Variants in INTS9 observed in about 807,000 individuals in gnomAD.
INTS9 encodes protein related to CPSF subunits of 74 kDa.
Under a neutral mutation model 79.7 loss-of-function variants are expected in INTS9, and 55 were observed. The ratio of observed to expected loss-of-function variants is 0.69; its 90% CI spans 0.56 to 0.86. The LOEUF (loss-of-function observed/expected upper bound fraction) is 0.86, where lower values mean the gene tolerates loss of function less well. INTS9 is among the 40% of genes least tolerant of loss of function. The pLI is 0.00. For missense variants in INTS9, 721 were observed against 831.5 expected (o/e 0.87, Z 1.64); for synonymous variants, 319 against 325.2 (o/e 0.98, Z 0.20).
chr8:28,874,996 G>A (rs1809300499), intron 1 of INTS9, among the ~76,000 whole-genome samples: 2 of 152,162 alleles, frequency 1.3e-5, no homozygotes, highest in South Asian at 4.1e-4. Context: ...ATGGATGTCA[G>A]CAGGCAAAGA....
chr8:28,862,107 G>A (rs183619845), intron 1 of INTS9: 879 of 985,434 alleles, frequency 8.9e-4, no homozygotes, highest in Admixed American at 1.1e-3. Flanking sequence ...TACAGGAGGC[G>A]CTTGCAAAGG....
chr8:28,860,910 T>C (rs1309046067), intron 1 of INTS9, among the ~76,000 whole-genome samples: 1 of 152,264 alleles, frequency 6.6e-6, no homozygotes, highest in East Asian at 1.9e-4. Context: ...TCTATCTTTG[T>C]AGTGGATGAA....
At chr8:28,777,985 T>C (rs374309788) in intron 12 of INTS9, 32 bp from the exon 13 acceptor site, 31 of 1,585,778 alleles carry the variant, frequency 2.0e-5, no homozygotes, top group Non-Finnish European at 2.4e-5. Flanking sequence ...AATCTTACAA[T>C]GCAGACTACA....
Position 28,875,155 on chromosome 8 carries a change from G to A in INTS9, c.9+14719C>T, listed in dbSNP as rs140822207. ...CCCACAACACGTGGGGATTATGGGA[G>A]CTACAAGATGAGATTTGCGTGGAGA... On this transcript the variant is annotated intron_variant, in intron 1 of 16. Coordinates refer to ENST00000521022, the MANE Select transcript of INTS9 (RefSeq NM_018250.4). 8.9e-3 allele frequency among the ~76,000 whole-genome samples: 1,361 copies of A among 152,276 alleles called. 21 individuals are homozygous for A. Among genetic ancestry groups the A allele is most frequent in the African/African-American group, 0.031 (1,276 of 41,548 alleles).
At chr8:28,802,946 C>T (rs922302272) in intron 8 of INTS9, among the ~76,000 whole-genome samples, 2 of 65,290 alleles carry the variant, frequency 3.1e-5, no homozygotes, top group Non-Finnish European at 7.1e-5. Context: ...CCCGTTTCTA[C>T]AAAAAAAAAA....
At chr8:28,783,971 A>G (rs1271455471) in intron 11 of INTS9, 3 of 152,236 alleles carry the variant, frequency 2.0e-5, no homozygotes, top group African/African-American at 7.2e-5. Flanking sequence ...CTACTGATCA[A>G]TGCACAGAAA....
chr8:28,843,432 T>C (rs1807313397), intron 4 of INTS9, among the ~76,000 whole-genome samples: 1 of 152,234 alleles, frequency 6.6e-6, no homozygotes, highest in Admixed American at 6.5e-5. Flanking sequence ...ATGATTTTCT[T>C]AATGGCATCT....
chr8:28,831,682 A>C (rs1464612003), intron 6 of INTS9, among the ~76,000 whole-genome samples: 2 of 152,094 alleles, frequency 1.3e-5, no homozygotes, highest in African/African-American at 2.4e-5. Context: ...GACTTGACCC[A>C]AGATTTGGGA....
At chr8:28,781,456 A>C (rs1277976679) in intron 11 of INTS9, among the ~76,000 whole-genome samples, 1 of 152,254 alleles carries the variant, frequency 6.6e-6, no homozygotes, top group East Asian at 1.9e-4. Flanking sequence ...AAAAGGATAC[A>C]GCCACTTTGA....
intron 2 of INTS9, among the ~76,000 whole-genome samples, chr8:28,854,275 C>T (rs1485810921): frequency 2.0e-5 from 3 of 152,106 alleles, no homozygotes; most frequent in African/African-American, 7.2e-5. Context: ...AAGCTTAATA[C>T]TCAGTGCAAA....
rs1280428568 is a variant in INTS9 at position 28,814,095 on chromosome 8, T to C, written c.489-483A>G. Among the ~76,000 whole-genome samples the C allele has an allele frequency of 3.3e-5, 5 of 151,114 alleles. No individual in the cohort carries two copies. The South Asian group carries it at 6.3e-4, about 19-fold the overall frequency. Reference sequence around the variant, plus strand: ...TAAAAAAAAAAAAAAAATAGAGACATGGTCTTGCTATGTCGCCCAAAATGT... The same window carrying C: ...TAAAAAAAAAAAAAAAATAGAGACACGGTCTTGCTATGTCGCCCAAAATGT... On this transcript the variant is annotated intron_variant, in intron 6 of 16. Transcript: ENST00000521022.
rs1263685132 is a variant in INTS9 at position 28,768,330 on chromosome 8, A to G, written c.1801-8T>C. On this transcript the variant is annotated splice_region_variant and splice_polypyrimidine_tract_variant and intron_variant, in intron 16 of 16. Transcript: ENST00000521022. ...AATATCACTGAAGCCATGCTGCTCC[A>G]GAAGAAAAGAAAGAGGTGGGCTGGG... 3 of 1,612,184 alleles carry G rather than the reference A, an allele frequency of 1.9e-6. No homozygotes were observed. The highest frequency in any genetic ancestry group is 2.5e-6 in the Non-Finnish European group (3 of 1,179,978).
chr8:28,850,083 G>C, intron 3 of INTS9, 130 bp downstream of exon 3: 1 of 643,372 alleles, frequency 1.6e-6, no homozygotes, highest in Non-Finnish European at 2.8e-6. Context: ...CCCTAGCATA[G>C]ATCTTGGGGA....
chr8:28,814,063 C>CT (rs200645161), intron 6 of INTS9, among the ~76,000 whole-genome samples: 7 of 144,390 alleles, frequency 4.8e-5, no homozygotes, highest in East Asian at 2.0e-4. Context: ...TCAGCCATTT[C>CT]TTTTTTTAAA....
intron 1 of INTS9, among the ~76,000 whole-genome samples, chr8:28,888,222 C>G (rs972988413): frequency 1.3e-5 from 2 of 152,152 alleles, no homozygotes; most frequent in East Asian, 3.9e-4. Flanking sequence ...TTCCCAAAAC[C>G]CTGAACACGC....
At chr8:28,811,925 A>G (rs1805174245) in intron 8 of INTS9, among the ~76,000 whole-genome samples, 2 of 152,182 alleles carry the variant, frequency 1.3e-5, no homozygotes, top group Admixed American at 1.3e-4. Flanking sequence ...CAACTCCCCT[A>G]CAACATAAGA....
At chr8:28,882,939 A>G (rs1809977313) in intron 1 of INTS9, among the ~76,000 whole-genome samples, 1 of 152,218 alleles carries the variant, frequency 6.6e-6, no homozygotes, top group Admixed American at 6.5e-5. Flanking sequence ...TTGATCACTG[A>G]GCAACTTGCG....
intron 6 of INTS9, among the ~76,000 whole-genome samples, chr8:28,814,759 GCT>G (rs1204024095): frequency 6.6e-6 from 1 of 152,124 alleles, no homozygotes; most frequent in African/African-American, 2.4e-5. Context: ...TCCTCATTTG[GCT>G]GCCAAAGCAC....
In INTS9 at chr8:28,796,651, A is replaced by G. The variant is rs777064393; in HGVS notation, c.749T>C (p.Met250Thr). The change falls in exon 9 of 17, where the codon ATG becomes ACG. Residue 250 changes from methionine (M) to threonine (T), a missense_variant. Coordinates refer to ENST00000521022, the MANE Select transcript of INTS9 (RefSeq NM_018250.4). ...SSLLTTHPQP[M>T]DQASLKNSDV... Reference sequence around the variant, plus strand: ...GCTGTTTTTGAGAGAAGCTTGGTCCATGGGCTGAAAAAGAACACAGAAATA... The same window carrying G: ...GCTGTTTTTGAGAGAAGCTTGGTCCGTGGGCTGAAAAAGAACACAGAAATA... 3.1e-6 allele frequency: 5 copies of G among 1,606,202 alleles called. No homozygotes were observed. Among genetic ancestry groups the G allele is most frequent in the Admixed American group, 3.3e-5 (2 of 60,004 alleles).
Sources: allele counts gnomAD v4.1 joint callset (sites outside exome capture counted in the v4.1 genomes callset), GRCh38; gene constraint gnomAD v4.1.1; transcripts MANE v1.5; gene names NCBI Gene and HGNC (gene_info 2026-07-23, HGNC 2026-07-21).